The following SAMD4A variants were observed in gnomAD, a reference collection of about 807,000 sequenced individuals.
SAMD4A encodes sterile alpha motif domain containing 4A.
In SAMD4A, 33 loss-of-function variants were observed where a neutral mutation model predicts 81.3. The ratio of observed to expected loss-of-function variants is 0.41; its 90% confidence interval spans 0.31 to 0.54. SAMD4A has a LOEUF of 0.54. Among genes scored for constraint, SAMD4A ranks in the 20% least tolerant of loss-of-function variants. The pLI is 0.37. For synonymous variants in SAMD4A, 389 were observed against 382.1 expected (o/e 1.02, Z -0.21); for missense variants, 854 against 951.1 (o/e 0.90, Z 1.34).
chr14:54,595,316 C>T (rs111351570), intron 2 of SAMD4A, among the ~76,000 whole-genome samples: 4 of 151,980 alleles, frequency 2.6e-5, no homozygotes, highest in Admixed American at 6.5e-5. Context: ...CAATCACATA[C>T]ATGTTGAATT....
intron 2 of SAMD4A, among the ~76,000 whole-genome samples, chr14:54,628,424 A>T (rs1197407256): frequency 6.6e-6 from 1 of 152,150 alleles, no homozygotes; most frequent in Non-Finnish European, 1.5e-5. Flanking sequence ...AAGAATATTT[A>T]CTGCAGCAGT....
At chr14:54,587,269 A>G (rs780172916) in intron 2 of SAMD4A, among the ~76,000 whole-genome samples, 2 of 152,188 alleles carry the variant, frequency 1.3e-5, no homozygotes, top group Non-Finnish European at 2.9e-5. Context: ...ATCTGTGTAC[A>G]TTAATTTTGT....
rs780524004 is a variant in SAMD4A at position 54,702,153 on chromosome 14, C to T, written c.288C>T (p.Asp96=). The T allele has an allele frequency of 6.0e-5, 97 of 1,614,012 alleles. No homozygotes were observed. The highest frequency in any genetic ancestry group is 3.3e-4 in the Middle Eastern group (2 of 6,082). Reference sequence around the variant, plus strand: ...CTTTGCTGAAGCCAGGAAACCTCGACGCGAAAGTAGAATATATGAAACTGC... The same window carrying T: ...CTTTGCTGAAGCCAGGAAACCTCGATGCGAAAGTAGAATATATGAAACTGC... The part of the protein sequence containing the change: ...HLPLLKPGNL[D]AKVEYMKLLP... The change falls in exon 3 of 13, where the codon GAC becomes GAT. Residue 96 remains aspartate, a synonymous_variant. Coordinates refer to ENST00000554335, the MANE Select transcript of SAMD4A (RefSeq NM_015589.6).
chr14:54,788,516 G>C (rs1241523390), intron 12 of SAMD4A, among the ~76,000 whole-genome samples: 2 of 152,114 alleles, frequency 1.3e-5, no homozygotes, highest in Non-Finnish European at 2.9e-5. Flanking sequence ...AAGTCACTTT[G>C]TATCTCTCTG....
chr14:54,614,168 T>C (rs1357748029), intron 2 of SAMD4A, among the ~76,000 whole-genome samples: 1 of 152,258 alleles, frequency 6.6e-6, no homozygotes, highest in East Asian at 1.9e-4. Flanking sequence ...GAAAGAGTTT[T>C]GTAAAAATTT....
chr14:54,764,657 GTTA>G (rs2139881360), intron 8 of SAMD4A, 117 bp downstream of exon 8: 1 of 669,062 alleles, frequency 1.5e-6, no homozygotes, highest in East Asian at 2.6e-5. Flanking sequence ...GTGGTGGACA[GTTA>G]TTAATAATAG....
chr14:54,724,429 G>A (rs750759557), intron 3 of SAMD4A, among the ~76,000 whole-genome samples: 10 of 152,196 alleles, frequency 6.6e-5, no homozygotes, highest in Admixed American at 1.3e-4. Flanking sequence ...ATCTGCTTCA[G>A]AGAGCATTAA....
intron 2 of SAMD4A, among the ~76,000 whole-genome samples, chr14:54,667,223 C>G (rs935682261): frequency 6.6e-6 from 1 of 152,166 alleles, no homozygotes; most frequent in East Asian, 1.9e-4. Context: ...TTTTCAAGTG[C>G]AAGACAAAGT....
chr14:54,618,574 T>C (rs1005606845), intron 2 of SAMD4A, among the ~76,000 whole-genome samples: 2 of 152,184 alleles, frequency 1.3e-5, no homozygotes, highest in Non-Finnish European at 1.5e-5. Flanking sequence ...AGAATTTAAG[T>C]CAAGTTTAGA....
At chr14:54,604,619 T>G (rs112817585) in intron 2 of SAMD4A, among the ~76,000 whole-genome samples, 6 of 152,202 alleles carry the variant, frequency 3.9e-5, no homozygotes, top group Admixed American at 1.3e-4. Context: ...TTCTGAAAAT[T>G]TATGAACGCT....
chr14:54,788,998 A>G lies in SAMD4A; in HGVS notation c.*54A>G, dbSNP rs903189716. Reference sequence around the variant, plus strand: ...CCGTGAAATCGACTGCTGCGGGTCCAGTGTCCGCCATCTTCAGGGTTGCAC... The same window carrying G: ...CCGTGAAATCGACTGCTGCGGGTCCGGTGTCCGCCATCTTCAGGGTTGCAC... On this transcript the variant is annotated 3_prime_UTR_variant, in exon 13 of 13. Coordinates refer to ENST00000554335, the MANE Select transcript of SAMD4A (RefSeq NM_015589.6). 5 of 1,584,792 alleles carry G rather than the reference A, an allele frequency of 3.2e-6. No individual in the cohort carries two copies. In the African/African-American group the frequency reaches 4.0e-5, roughly 13 times the overall value.
In SAMD4A at chr14:54,786,792, A is replaced by C. The variant is rs529591666; in HGVS notation, c.2129-2124A>C. On this transcript the variant is annotated intron_variant, in intron 12 of 12. Coordinates refer to ENST00000554335, the MANE Select transcript of SAMD4A (RefSeq NM_015589.6). ...TTATTAAAGGAAGGTTTTCATTGAA[A>C]AGACTTCGTTTTTTTCAGTCTGTTC... Among the ~76,000 whole-genome samples, 17 of 152,370 alleles carry C rather than the reference A, an allele frequency of 1.1e-4. No homozygotes were observed. In the East Asian group the frequency reaches 3.1e-3, roughly 28 times the overall value.
rs2039279529 is a variant in SAMD4A at position 54,792,660 on chromosome 14, G to A, written c.*3716G>A. On this transcript the variant is annotated 3_prime_UTR_variant, in exon 13 of 13. Coordinates refer to ENST00000554335, the MANE Select transcript of SAMD4A (RefSeq NM_015589.6). ...GGTGTGCCTGTTACAAGAAGAACCT[G>A]CAGAAGGATAATTTGCACATGGAGC... is the stretch of plus-strand genomic sequence containing the variant. The A allele has an allele frequency of 6.6e-6, 1 of 152,082 alleles. No homozygotes were observed. Among genetic ancestry groups the A allele is most frequent in the South Asian group, 2.1e-4 (1 of 4,820 alleles). The allele number at this position is 152,082 out of a possible 1,614,324, so 9.4% of individuals were successfully genotyped here.
At chr14:54,587,201 G>T (rs184036660) in intron 2 of SAMD4A, among the ~76,000 whole-genome samples, 6 of 152,148 alleles carry the variant, frequency 3.9e-5, no homozygotes, top group African/African-American at 1.2e-4. Context: ...TGTGAAAGGG[G>T]TTGAGTTCTC....
chr14:54,666,429 G>C (rs2035758019), intron 2 of SAMD4A, among the ~76,000 whole-genome samples: 1 of 152,052 alleles, frequency 6.6e-6, no homozygotes, highest in Admixed American at 6.5e-5. Flanking sequence ...GCTTCAGTTG[G>C]CCCTGCAGAA....
At chr14:54,572,799 C>G (rs1003601948) in intron 2 of SAMD4A, among the ~76,000 whole-genome samples, 3 of 152,054 alleles carry the variant, frequency 2.0e-5, no homozygotes, top group Non-Finnish European at 2.9e-5. Flanking sequence ...CTATTCTATC[C>G]CTCAGGTTTA....
intron 7 of SAMD4A, among the ~76,000 whole-genome samples, chr14:54,762,726 A>G (rs2038433592): frequency 6.6e-6 from 1 of 152,146 alleles, no homozygotes; most frequent in African/African-American, 2.4e-5. Flanking sequence ...AATTAACAAC[A>G]TGGTGGAAAG....
chr14:54,577,174 G>C (rs955036091), intron 2 of SAMD4A, among the ~76,000 whole-genome samples: 1 of 152,228 alleles, frequency 6.6e-6, no homozygotes, highest in Non-Finnish European at 1.5e-5. Flanking sequence ...GATGAGGTAG[G>C]CATGTATCCA....
intron 3 of SAMD4A, among the ~76,000 whole-genome samples, chr14:54,711,317 A>G (rs975576297): frequency 2.0e-5 from 3 of 152,200 alleles, no homozygotes; most frequent in African/African-American, 7.2e-5. Context: ...ACAGACTTTT[A>G]AAAACATACC....
Sources: allele counts gnomAD v4.1 joint callset (sites outside exome capture counted in the v4.1 genomes callset), GRCh38; gene constraint gnomAD v4.1.1; transcripts MANE v1.5; gene names NCBI Gene and HGNC (gene_info 2026-07-23, HGNC 2026-07-21).